DDX24: variants seen among roughly 807,000 people sequenced by gnomAD.
DDX24 encodes ATP-dependent RNA helicase DDX24.
DDX24 carries 24 observed loss-of-function variants against 68.9 expected under a neutral mutation model. That is an observed-to-expected ratio of 0.35 (90% CI 0.25 to 0.49). The LOEUF is 0.49. Ranked by LOEUF, DDX24 falls within the 20% of genes least tolerant of loss-of-function variation. DDX24 has a pLI of 0.99. For synonymous variants in DDX24, 395 were observed against 385.2 expected (o/e 1.03, Z -0.30); for missense variants, 989 against 1,039.0 (o/e 0.95, Z 0.66).
chr14:94,058,049 G>C, intron 5 of DDX24, 152 bp from the exon 6 acceptor site: 1 of 729,066 alleles, frequency 1.4e-6, no homozygotes, highest in South Asian at 2.0e-5. Context: ...CTGAGGCTCG[G>C]AGAGATTAAC....
intron 3 of DDX24, among the ~76,000 whole-genome samples, chr14:94,061,815 C>CAA (rs1885602845): frequency 6.6e-6 from 1 of 152,106 alleles, no homozygotes; most frequent in African/African-American, 2.4e-5. Context: ...GGGTGTGTTC[C>CAA]GGCAAAACTT....
At chr14:94,073,934 C>A (rs1423972524) in intron 2 of DDX24, among the ~76,000 whole-genome samples, 1 of 151,160 alleles carries the variant, frequency 6.6e-6, no homozygotes, top group Non-Finnish European at 1.5e-5. Context: ...TCCCAGCTAC[C>A]TGGGACGCTG....
intron 4 of DDX24, 120 bp downstream of exon 4, chr14:94,060,793 G>C: frequency 6.7e-7 from 1 of 1,494,170 alleles, no homozygotes. Flanking sequence ...AAAGGCCAGG[G>C]TCTGGATGAT....
chr14:94,081,006 CCT>C (rs1327907333), intron 1 of DDX24, 111 bp downstream of exon 1: 1 of 152,260 alleles, frequency 6.6e-6, no homozygotes, highest in African/African-American at 2.4e-5. Flanking sequence ...CGGCGGCCGC[CCT>C]CTCTGGACCC....
intron 2 of DDX24, among the ~76,000 whole-genome samples, chr14:94,065,522 T>A (rs1331835722): frequency 6.6e-6 from 1 of 152,242 alleles, no homozygotes; most frequent in South Asian, 2.1e-4. Flanking sequence ...GAGGACTAGA[T>A]TGCAACTCCT....
At chr14:94,060,741 T>A in intron 4 of DDX24, 128 bp from the exon 5 acceptor site, 1 of 1,455,356 alleles carries the variant, frequency 6.9e-7, no homozygotes, top group Non-Finnish European at 9.3e-7. Flanking sequence ...ACCACCACCA[T>A]CAGGCCCTCA....
intron 5 of DDX24, among the ~76,000 whole-genome samples, chr14:94,058,648 A>G (rs1446790151): frequency 4.6e-5 from 7 of 152,186 alleles, no homozygotes; most frequent in Non-Finnish European, 8.8e-5. Flanking sequence ...TGTGTGGTTC[A>G]TGGAAAGTCA....
At chr14:94,068,483 C>T (rs1328156704) in intron 2 of DDX24, among the ~76,000 whole-genome samples, 2 of 152,004 alleles carry the variant, frequency 1.3e-5, no homozygotes, top group African/African-American at 2.4e-5. Context: ...AGGAAACAAT[C>T]GATTTAAACT....
chr14:94,062,319 G>A lies in DDX24; in HGVS notation c.1021C>T (p.Pro341Ser). 6.2e-7 allele frequency: 1 copy of A among 1,614,170 alleles called. No individual in the cohort carries two copies. Among genetic ancestry groups the A allele is most frequent in the Non-Finnish European group, 8.5e-7 (1 of 1,180,036 alleles). ...LFGDDDAGEG[P>S]SSLIREKPVP... ...GGTTTCTCCCTGATCAGGGAAGAAGGCCCTTCACCAGCATCATCGTCACCA... is the reference window on the plus strand; with the variant it reads ...GGTTTCTCCCTGATCAGGGAAGAAGACCCTTCACCAGCATCATCGTCACCA... Residue 341 changes from proline to serine, a missense_variant, in exon 3 of 9, where the codon CCT becomes TCT. Pro to Ser is a moderately conservative substitution (Grantham distance 74). Transcript: ENST00000621632.
At position 94,057,846 on chromosome 14, in the gene DDX24, T is replaced by C; in HGVS notation, c.1965A>G (p.Lys655=). ...CCTGGTAATGGATGACATGCTGGAC[T>C]TTAGGAATATCCAGACCCCGAGCTG... ...DVAARGLDIP[K]VQHVIHYQVP... The change falls in exon 6 of 9, where the codon AAA becomes AAG. Residue 655 remains lysine, a synonymous_variant. Coordinates refer to ENST00000621632, the MANE Select transcript of DDX24 (RefSeq NM_020414.4). 1.2e-6 allele frequency: 2 copies of C among 1,613,934 alleles called. No individual in the cohort carries two copies. The highest frequency in any genetic ancestry group is 1.7e-6 in the Non-Finnish European group (2 of 1,179,920).
At position 94,060,573 on chromosome 14, in the gene DDX24, C is replaced by T; in HGVS notation, c.1438G>A (p.Gly480Ser). ...AGCTGTGAGAGCTCAGCAAAATGGCCTTTCTCAACCATCCGGTCAGCCTCA... is the reference window on the plus strand; with the variant it reads ...AGCTGTGAGAGCTCAGCAAAATGGCTTTTCTCAACCATCCGGTCAGCCTCA... ...VDEADRMVEKGHFAELSQLLE... is the reference protein window; with the variant it reads ...VDEADRMVEKSHFAELSQLLE... The change falls in exon 5 of 9, where the codon GGC (glycine) becomes AGC (serine). Residue 480 changes from glycine to serine, a missense_variant. Physicochemically the swap from Gly to Ser is moderately conservative, Grantham distance 56. Transcript: ENST00000621632. 2 of 1,613,990 alleles carry T rather than the reference C, an allele frequency of 1.2e-6. No individual in the cohort carries two copies. Among genetic ancestry groups the T allele is most frequent in the East Asian group, 4.5e-5 (2 of 44,886 alleles).
At chr14:94,066,534 CAAAA>C (rs1885708955) in intron 2 of DDX24, among the ~76,000 whole-genome samples, 2 of 152,240 alleles carry the variant, frequency 1.3e-5, no homozygotes, top group Admixed American at 6.5e-5. Context: ...CCAACTAACA[CAAAA>C]ACAGAGCATT....
In DDX24 at chr14:94,062,139, C is replaced by T. The variant is rs145363454; in HGVS notation, c.1201G>A (p.Val401Ile). ...GCATCAATGTGCTGTTTGACCTGGA[C>T]GGCCAGCTCTCGAGTGGGAGTCAGA... ...LVLTPTRELA[V>I]QVKQHIDAVA... The change falls in exon 3 of 9, where the codon GTC (valine) becomes ATC (isoleucine). Residue 401 changes from valine to isoleucine, a missense_variant. Physicochemically the swap from Val to Ile is conservative, Grantham distance 29 (BLOSUM62 3). Around this residue, in one of 3 missense-constraint regions of DDX24, gnomAD observed 691 missense variants for 760.0 expected, o/e 0.91. Transcript: ENST00000621632. 800 of 1,613,934 alleles carry T rather than the reference C, an allele frequency of 5.0e-4. 7 individuals carry two copies. In the African/African-American group the frequency reaches 9.7e-3, roughly 20 times the overall value.
chr14:94,063,617 G>T (rs113238133), intron 2 of DDX24, among the ~76,000 whole-genome samples: 1 of 152,196 alleles, frequency 6.6e-6, no homozygotes, highest in Non-Finnish European at 1.5e-5. Context: ...CAGTAACTAC[G>T]TAGGTAAATA....
chr14:94,064,607 G>A (rs80004767), intron 2 of DDX24, among the ~76,000 whole-genome samples: 3,004 of 152,280 alleles, frequency 0.02, 121 homozygotes, highest in Admixed American at 0.098. Context: ...TAGATTCCAG[G>A]GTGGTGTACC....
At chr14:94,061,746 C>T (rs563460983) in intron 3 of DDX24, among the ~76,000 whole-genome samples, 4 of 152,252 alleles carry the variant, frequency 2.6e-5, no homozygotes, top group East Asian at 1.9e-4. Flanking sequence ...ATTAACTCTA[C>T]TCAACTTCAC....
At chr14:94,061,174 A>G in intron 3 of DDX24, 108 bp from the exon 4 acceptor site, 1 of 1,314,512 alleles carries the variant, frequency 7.6e-7, no homozygotes, top group South Asian at 1.3e-5. Context: ...AGCACAGTGT[A>G]ATGCCCTAGA....
chr14:94,061,719 T>C (rs1036584422), intron 3 of DDX24, among the ~76,000 whole-genome samples: 26 of 152,312 alleles, frequency 1.7e-4, no homozygotes, highest in African/African-American at 6.0e-4. Context: ...ATAGGCCAGA[T>C]GGTCTCTGTC....
chr14:94,075,045 A>G (rs978276365), intron 2 of DDX24, among the ~76,000 whole-genome samples: 3 of 152,210 alleles, frequency 2.0e-5, no homozygotes, highest in African/African-American at 7.2e-5. Flanking sequence ...ATATTCATAG[A>G]CTGGAAAATT....
Sources: gnomAD v4.1 joint callset for allele counts (sites outside exome capture counted in the v4.1 genomes callset) on GRCh38, gnomAD v4.1.1 for gene constraint, gnomAD v4.1.1 regional missense constraint, MANE v1.5 for transcripts, NCBI Gene and HGNC (gene_info 2026-07-23, HGNC 2026-07-21) for gene names.